Variants in RCAN2 observed in about 807,000 individuals in gnomAD.
RCAN2 encodes the protein calcipressin-2.
RCAN2 carries 9 observed loss-of-function variants against 23.6 expected under a neutral mutation model. The observed-to-expected ratio is 0.38, with a 90% confidence interval of 0.23 to 0.67. The LOEUF is 0.67. Ranked by LOEUF, RCAN2 falls within the 30% of genes least tolerant of loss-of-function variation. The pLI, the probability that RCAN2 is intolerant of heterozygous loss-of-function variation, is 0.51. For synonymous variants in RCAN2, 109 were observed against 115.7 expected, an observed-to-expected ratio of 0.94 and a Z score of 0.37; for missense variants, 273 against 302.3, an observed-to-expected ratio of 0.90 and a Z score of 0.72.
intron 2 of RCAN2, among the ~76,000 whole-genome samples, chr6:46,355,492 T>C: frequency 6.6e-6 from 1 of 152,188 alleles, no homozygotes; most frequent in East Asian, 1.9e-4. Context: ...GTTAAGATGT[T>C]TGTGATAATG....
At chr6:46,305,263 A>G (rs1763026380) in intron 2 of RCAN2, among the ~76,000 whole-genome samples, 1 of 152,134 alleles carries the variant, frequency 6.6e-6, no homozygotes, top group African/African-American at 2.4e-5. Context: ...GCTGGGAGCT[A>G]ATGGATAAAT....
At chr6:46,272,364 T>C (rs192865702) in intron 2 of RCAN2, among the ~76,000 whole-genome samples, 320 of 152,354 alleles carry the variant, frequency 2.1e-3, no homozygotes, top group African/African-American at 7.3e-3. Flanking sequence ...GACTCTCTAC[T>C]GAACCTTGTA....
intron 2 of RCAN2, among the ~76,000 whole-genome samples, chr6:46,446,646 T>C (rs1471565235): frequency 6.6e-6 from 1 of 152,200 alleles, no homozygotes; most frequent in East Asian, 1.9e-4. Flanking sequence ...TGATAGCTAC[T>C]ATAATTTGTT....
intron 2 of RCAN2, among the ~76,000 whole-genome samples, chr6:46,419,470 T>C (rs1217649563): frequency 6.6e-6 from 1 of 152,132 alleles, no homozygotes; most frequent in Non-Finnish European, 1.5e-5. Flanking sequence ...CTATCACAGC[T>C]TCAAACCACC....
At chr6:46,291,914 A>G (rs1029124260) in intron 2 of RCAN2, among the ~76,000 whole-genome samples, 2 of 152,212 alleles carry the variant, frequency 1.3e-5, no homozygotes, top group African/African-American at 4.8e-5. Context: ...CAGACAGAAC[A>G]GCACTGGCGA....
At chr6:46,432,509 G>A (rs139004142) in intron 2 of RCAN2, among the ~76,000 whole-genome samples, 100 of 151,998 alleles carry the variant, frequency 6.6e-4, no homozygotes, top group African/African-American at 2.3e-3. Context: ...CACCACACCC[G>A]GCCTATCTTT....
At chr6:46,331,894 C>T (rs1052747301) in intron 2 of RCAN2, among the ~76,000 whole-genome samples, 5 of 152,180 alleles carry the variant, frequency 3.3e-5, no homozygotes, top group African/African-American at 1.2e-4. Flanking sequence ...CAGATATCTT[C>T]GTTCTTACCA....
intron 1 of RCAN2, among the ~76,000 whole-genome samples, chr6:46,479,032 G>A (rs1477138110): frequency 1.3e-5 from 2 of 152,210 alleles, no homozygotes; most frequent in East Asian, 3.9e-4. Context: ...GAGAACCTCA[G>A]CAATGGAGAG....
intron 2 of RCAN2, among the ~76,000 whole-genome samples, chr6:46,449,777 G>A (rs1482656240): frequency 6.6e-6 from 1 of 151,894 alleles, no homozygotes; most frequent in Admixed American, 6.6e-5. Flanking sequence ...TCCACATTCA[G>A]AAGAATGAAA....
intron 2 of RCAN2, among the ~76,000 whole-genome samples, chr6:46,446,641 G>A (rs1210947311): frequency 1.3e-5 from 2 of 152,016 alleles, no homozygotes; most frequent in Non-Finnish European, 2.9e-5. Context: ...AATAATGATA[G>A]CTACTATAAT....
At chr6:46,363,793 A>G (rs1765087444) in intron 2 of RCAN2, among the ~76,000 whole-genome samples, 1 of 63,198 alleles carries the variant, frequency 1.6e-5, no homozygotes, top group African/African-American at 6.3e-5. Context: ...TAAAATAATG[A>G]TTCTCATGCA....
At chr6:46,392,214 T>C (rs1020664342) in intron 2 of RCAN2, among the ~76,000 whole-genome samples, 2 of 151,778 alleles carry the variant, frequency 1.3e-5, no homozygotes, top group Admixed American at 6.6e-5. Flanking sequence ...TTTTAGGGAG[T>C]AGATATAGAG....
chr6:46,345,231 A>G (rs1323449178), intron 2 of RCAN2, among the ~76,000 whole-genome samples: 1 of 152,142 alleles, frequency 6.6e-6, no homozygotes, highest in Non-Finnish European at 1.5e-5. Flanking sequence ...TGCACTTAAT[A>G]ACGAGTATTC....
intron 2 of RCAN2, among the ~76,000 whole-genome samples, chr6:46,380,584 C>T (rs2150393285): frequency 6.6e-6 from 1 of 152,328 alleles, no homozygotes; most frequent in African/African-American, 2.4e-5. Flanking sequence ...AGCAATTTGT[C>T]TGTGTTTAGC....
chr6:46,381,854 C>T (rs138380397), intron 2 of RCAN2, among the ~76,000 whole-genome samples: 5 of 152,264 alleles, frequency 3.3e-5, no homozygotes, highest in African/African-American at 1.2e-4. Context: ...TCAAGGGCTT[C>T]TGGCTGGAAG....
chr6:46,437,397 C>T (rs1220487803), intron 2 of RCAN2, among the ~76,000 whole-genome samples: 1 of 152,286 alleles, frequency 6.6e-6, no homozygotes, highest in African/African-American at 2.4e-5. Context: ...GATCTATAGT[C>T]ACTTAATTTA....
intron 1 of RCAN2, chr6:46,468,796 T>C: frequency 1.0e-6 from 1 of 985,044 alleles, no homozygotes; most frequent in Non-Finnish European, 1.2e-6. Context: ...AGAGCCTTGC[T>C]CACCTTTAAT....
In RCAN2 at chr6:46,469,437, G is replaced by A. The variant is rs369262798; in HGVS notation, c.-2-12459C>T. ...AGCAGCTGATCAGTGGCTAGGGCTC[G>A]TGGAGGATGGAACCAGTCTTGGTAG... is the stretch of plus-strand genomic sequence containing the variant. On this transcript the variant is annotated intron_variant, in intron 1 of 4. Coordinates refer to ENST00000371374, the MANE Select transcript of RCAN2 (RefSeq NM_001251974.2). Among the ~76,000 whole-genome samples the A allele has an allele frequency of 5.3e-5, 8 of 152,198 alleles. No individual in the cohort carries two copies. In the South Asian group the frequency reaches 6.2e-4, roughly 12 times the overall value.
intron 2 of RCAN2, among the ~76,000 whole-genome samples, chr6:46,317,322 T>G (rs1038159385): frequency 6.6e-6 from 1 of 151,888 alleles, no homozygotes; most frequent in Non-Finnish European, 1.5e-5. Flanking sequence ...TACTGATTTA[T>G]GTACAAGTAG....
Sources: gnomAD v4.1 joint callset for allele counts (sites outside exome capture counted in the v4.1 genomes callset) on GRCh38, gnomAD v4.1.1 for gene constraint, MANE v1.5 for transcripts, NCBI Gene and HGNC (gene_info 2026-07-23, HGNC 2026-07-21) for gene names.